The following DENND1A variants were observed in gnomAD, a reference collection of about 807,000 sequenced individuals.
DENND1A encodes DENN domain containing 1A.
Under a neutral mutation model 113.7 loss-of-function variants are expected in DENND1A, and 51 were observed. The ratio of observed to expected loss-of-function variants is 0.45; its 90% CI spans 0.36 to 0.57. DENND1A has a LOEUF of 0.57. Among genes scored for constraint, DENND1A ranks in the 20% least tolerant of loss-of-function variants. The probability of loss-of-function intolerance (pLI) is 0.00; values close to 1 mark genes in which losing one functional copy is unlikely to be tolerated. For missense variants in DENND1A, 1,258 were observed against 1,395.9 expected, an observed-to-expected ratio of 0.90 and a Z score of 1.57; for synonymous variants, 565 against 570.8, an observed-to-expected ratio of 0.99 and a Z score of 0.14.
At chr9:123,653,903 A>AG (rs1325251086) in intron 8 of DENND1A, among the ~76,000 whole-genome samples, 1 of 151,922 alleles carries the variant, frequency 6.6e-6, no homozygotes, top group Non-Finnish European at 1.5e-5. Context: ...GAGAAATAAA[A>AG]AAAAAAAAAC....
intron 2 of DENND1A, among the ~76,000 whole-genome samples, chr9:123,833,966 G>C (rs1259654520): frequency 6.6e-6 from 1 of 152,196 alleles, no homozygotes; most frequent in East Asian, 1.9e-4. Flanking sequence ...TGAGGCAGGA[G>C]AATTGCTTGA....
intron 5 of DENND1A, among the ~76,000 whole-genome samples, chr9:123,753,037 T>C (rs1032325760): frequency 6.6e-6 from 1 of 152,184 alleles, no homozygotes; most frequent in African/African-American, 2.4e-5. Context: ...GGCATTTGTG[T>C]TAATAGGACT....
chr9:123,388,889 C>T (rs1393746777), intron 21 of DENND1A, among the ~76,000 whole-genome samples: 7 of 152,164 alleles, frequency 4.6e-5, no homozygotes, highest in Admixed American at 1.3e-4. Context: ...TGAGCAGACC[C>T]GGGGTGTTCC....
intron 10 of DENND1A, among the ~76,000 whole-genome samples, chr9:123,612,769 GGCTGTTTC>G (rs1265256094): frequency 1.3e-5 from 2 of 152,156 alleles, no homozygotes; most frequent in Non-Finnish European, 2.9e-5. Context: ...TAAAGGACAG[GGCTGTTTC>G]TTATCTTTTG....
chr9:123,571,894 G>A (rs143032013), intron 12 of DENND1A, among the ~76,000 whole-genome samples: 2 of 152,254 alleles, frequency 1.3e-5, no homozygotes, highest in Admixed American at 1.3e-4. Context: ...CAAAGTGGTT[G>A]TACCGTATTG....
intron 9 of DENND1A, among the ~76,000 whole-genome samples, chr9:123,631,647 G>C (rs1298833960): frequency 6.6e-6 from 1 of 152,156 alleles, no homozygotes; most frequent in Admixed American, 6.5e-5. Context: ...TAGGTTTAAG[G>C]ACTGAGGTGA....
chr9:123,593,317 A>G lies in DENND1A; in HGVS notation c.766-10047T>C, dbSNP rs186885408. 5.3e-5 allele frequency among the ~76,000 whole-genome samples: 8 copies of G among 152,306 alleles called. No homozygotes were observed. In the East Asian group the frequency reaches 1.5e-3, roughly 29 times the overall value. On this transcript the variant is annotated intron_variant, in intron 11 of 23. Coordinates refer to ENST00000394215, the MANE Select transcript of DENND1A (RefSeq NM_001352964.2). ...ATGGGTCTATAACAACTTGTTACAT[A>G]GGGTTGTGAGAGGATTAAGTAAAAA...
intron 13 of DENND1A, among the ~76,000 whole-genome samples, chr9:123,521,568 A>G (rs963589068): frequency 6.6e-6 from 1 of 152,230 alleles, no homozygotes; most frequent in Non-Finnish European, 1.5e-5. Flanking sequence ...ATAATCCTTA[A>G]GTTTCATGAT....
chr9:123,686,077 A>T (rs2064793834), intron 5 of DENND1A, among the ~76,000 whole-genome samples: 1 of 152,156 alleles, frequency 6.6e-6, no homozygotes, highest in South Asian at 2.1e-4. Flanking sequence ...CAAAAAAATC[A>T]ATGATCCCAG....
chr9:123,462,178 GCAACTCA>G (rs2048582526), intron 13 of DENND1A, among the ~76,000 whole-genome samples: 2 of 152,216 alleles, frequency 1.3e-5, no homozygotes, highest in Non-Finnish European at 2.9e-5. Context: ...TTTCCCTGGA[GCAACTCA>G]CCTTGTAAGA....
chr9:123,578,842 TTGTG>T (rs60704272), intron 12 of DENND1A, among the ~76,000 whole-genome samples: 4 of 151,004 alleles, frequency 2.6e-5, no homozygotes, highest in South Asian at 2.1e-4. Context: ...CAGTGTGTGT[TTGTG>T]TGTGTGTGTG....
intron 8 of DENND1A, among the ~76,000 whole-genome samples, chr9:123,664,008 C>G (rs1335235469): frequency 6.6e-6 from 1 of 152,100 alleles, no homozygotes; most frequent in African/African-American, 2.4e-5. Flanking sequence ...CCAGGGCTGC[C>G]AAAGCAACAC....
rs187300536 is a variant in DENND1A, at chr9:123,902,308, A to G, written c.18-23287T>C. ...CATTGGTTATAATAATTACACACAA[A>G]AAGTTCAGTGAAAGCAGAGACAGGA... On this transcript the variant is annotated intron_variant, in intron 1 of 23. Coordinates refer to ENST00000394215, the MANE Select transcript of DENND1A (RefSeq NM_001352964.2). Among the ~76,000 whole-genome samples the G allele has an allele frequency of 1.8e-4, 27 of 152,318 alleles. No homozygotes were observed. In the East Asian group the frequency reaches 5.2e-3, roughly 29 times the overall value.
chr9:123,913,128 A>C (rs1355352803), intron 1 of DENND1A, among the ~76,000 whole-genome samples: 2 of 151,932 alleles, frequency 1.3e-5, no homozygotes, highest in African/African-American at 4.8e-5. Flanking sequence ...AAAAAAAAAA[A>C]AAAAAAAAAA....
At chr9:123,780,762 A>C (rs1831190384) in intron 3 of DENND1A, among the ~76,000 whole-genome samples, 1 of 152,074 alleles carries the variant, frequency 6.6e-6, no homozygotes, top group Non-Finnish European at 1.5e-5. Context: ...ACCTATTTAG[A>C]CTTTATTTGG....
At chr9:123,442,701 A>G (rs2047016980) in intron 18 of DENND1A, among the ~76,000 whole-genome samples, 1 of 152,016 alleles carries the variant, frequency 6.6e-6, no homozygotes, top group African/African-American at 2.4e-5. Context: ...CAATTCATGT[A>G]GTAGTTTTGG....
At chr9:123,567,430 A>T (rs1279186071) in intron 12 of DENND1A, among the ~76,000 whole-genome samples, 1 of 151,842 alleles carries the variant, frequency 6.6e-6, no homozygotes, top group African/African-American at 2.4e-5. Flanking sequence ...ACATCCACCA[A>T]TTTTTTTTTA....
chr9:123,450,131 T>C (rs1233646948), intron 18 of DENND1A, among the ~76,000 whole-genome samples: 1 of 150,682 alleles, frequency 6.6e-6, no homozygotes, highest in Non-Finnish European at 1.5e-5. Flanking sequence ...TGACGGCTGG[T>C]GAAGACAATC....
At chr9:123,604,305 A>G (rs994469906) in intron 11 of DENND1A, among the ~76,000 whole-genome samples, 2 of 152,170 alleles carry the variant, frequency 1.3e-5, no homozygotes, top group African/African-American at 4.8e-5. Flanking sequence ...TTCCTCTGAG[A>G]AGCATTATTC....
Sources: allele counts gnomAD v4.1 joint callset (sites outside exome capture counted in the v4.1 genomes callset), GRCh38; gene constraint gnomAD v4.1.1; transcripts MANE v1.5; gene names NCBI Gene and HGNC (gene_info 2026-07-23, HGNC 2026-07-21).